Variants in PRRC2C observed in about 807,000 individuals in gnomAD.
The protein encoded by PRRC2C is proline rich coiled-coil 2C.
PRRC2C carries 72 observed loss-of-function variants against 317.2 expected under a neutral mutation model. The ratio of observed to expected loss-of-function variants is 0.23; its 90% confidence interval spans 0.19 to 0.28. PRRC2C has a LOEUF of 0.28. Among genes scored for constraint, PRRC2C ranks in the 10% least tolerant of loss-of-function variants. The pLI, the probability that PRRC2C is intolerant of heterozygous loss-of-function variation, is 1.00. For missense variants in PRRC2C, 3,074 were observed against 3,459.7 expected, an observed-to-expected ratio of 0.89 and a Z score of 2.80; for synonymous variants, 1,296 against 1,205.9, an observed-to-expected ratio of 1.07 and a Z score of -1.55.
At chr1:171,570,422 TGTC>T (rs1684583645) in intron 23 of PRRC2C, among the ~76,000 whole-genome samples, 1 of 152,208 alleles carries the variant, frequency 6.6e-6, no homozygotes, top group South Asian at 2.1e-4. Flanking sequence ...GTATCTTGAA[TGTC>T]TTGAAGATTA....
Position 171,566,796 on chromosome 1 carries a change from G to A in PRRC2C, c.6511G>A (p.Gly2171Arg). Reference protein sequence around the residue: ...KAVSEMSTEIGTMISVSSAEY... With the variant: ...KAVSEMSTEIRTMISVSSAEY... The stretch of plus-strand genomic sequence containing the variant: ...AGTCTCAGAAATGTCTACTGAAATA[G>A]GAACAATGATCTCGGTATCATCTGC... The change falls in exon 22 of 35, where the codon GGA becomes AGA. Residue 2171 changes from glycine (G) to arginine (R), a missense_variant. Physicochemically the swap from Gly to Arg is moderately radical, Grantham distance 125. Around this residue, in one of 11 missense-constraint regions of PRRC2C, gnomAD observed 640 missense variants for 676.1 expected, o/e 0.95. Coordinates refer to ENST00000647382, the MANE Select transcript of PRRC2C (RefSeq NM_001387844.1). The A allele has an allele frequency of 6.2e-7, 1 of 1,613,770 alleles. No individual in the cohort carries two copies. The highest frequency in any genetic ancestry group is 8.5e-7 in the Non-Finnish European group (1 of 1,179,826).
At position 171,540,607 on chromosome 1, in the gene PRRC2C, A is replaced by G; in HGVS notation, c.3141A>G (p.Lys1047=). The G allele has an allele frequency of 6.2e-7, 1 of 1,613,970 alleles. No homozygotes were observed. The highest frequency in any genetic ancestry group is 8.5e-7 in the Non-Finnish European group (1 of 1,179,892). ...AAAAGGCCGAAAAGGTCACTGAAAA[A>G]GTAGTTGTAAAGCCTGAAAAGACGG... ...EGEKAEKVTE[K]VVVKPEKTEK... is the part of the protein sequence containing the mutation. The change falls in exon 16 of 35, where the codon AAA becomes AAG. Residue 1047 remains lysine, a synonymous_variant. Coordinates refer to ENST00000647382, the MANE Select transcript of PRRC2C (RefSeq NM_001387844.1).
chr1:171,556,744 T>G (rs558213165), intron 18 of PRRC2C, among the ~76,000 whole-genome samples: 55 of 152,368 alleles, frequency 3.6e-4, no homozygotes, highest in Middle Eastern at 6.8e-3. Flanking sequence ...TAATTTATAT[T>G]AGTTCATTTA....
At chr1:171,534,617 T>G (rs1482619101) in intron 12 of PRRC2C, among the ~76,000 whole-genome samples, 1 of 152,098 alleles carries the variant, frequency 6.6e-6, no homozygotes. Context: ...CATTCTTTTT[T>G]TTTTGGCTGT....
intron 18 of PRRC2C, among the ~76,000 whole-genome samples, chr1:171,555,328 C>G (rs1393827938): frequency 6.6e-6 from 1 of 152,194 alleles, no homozygotes; most frequent in African/African-American, 2.4e-5. Context: ...CATTTAAGGT[C>G]TTTTCTACAC....
In PRRC2C at chr1:171,541,019, C is replaced by G; in HGVS notation, c.3553C>G (p.Gln1185Glu). 6.2e-7 allele frequency: 1 copy of G among 1,613,376 alleles called. No homozygotes were observed. The highest frequency in any genetic ancestry group is 8.5e-7 in the Non-Finnish European group (1 of 1,179,718). The stretch of plus-strand genomic sequence containing the variant: ...TAGAGAGAGAGATTGGTTTCCAGAT[C>G]AAGGATACAGAGGTCGAGGCCGAGG... ...EARERDWFPDQGYRGRGRGEY... is the reference protein window; with the variant it reads ...EARERDWFPDEGYRGRGRGEY... The change falls in exon 16 of 35, where the codon CAA (glutamine) becomes GAA (glutamate). Residue 1185 changes from glutamine (Q) to glutamate (E), a missense_variant. Around this residue, in one of 11 missense-constraint regions of PRRC2C, gnomAD observed 1,320 missense variants for 1,395.7 expected, o/e 0.95. Coordinates refer to ENST00000647382, the MANE Select transcript of PRRC2C (RefSeq NM_001387844.1). This position sits in a 1 kb window ranked among gnomAD's most constrained non-coding sequence, Gnocchi z 4.1.
intron 11 of PRRC2C, among the ~76,000 whole-genome samples, chr1:171,529,159 A>C (rs905971621): frequency 2.0e-5 from 3 of 151,958 alleles, no homozygotes; most frequent in African/African-American, 7.3e-5. Context: ...TTTGCTTTCT[A>C]TTCCTTCTGG....
At position 171,541,020 on chromosome 1, in the gene PRRC2C, A is replaced by G. The variant is rs774617437; in HGVS notation, c.3554A>G (p.Gln1185Arg). The G allele has an allele frequency of 6.8e-6, 11 of 1,613,468 alleles. No individual in the cohort carries two copies. The Admixed American group carries it at 8.4e-5, about 12-fold the overall frequency. ...EARERDWFPD[Q>R]GYRGRGRGEY... is the part of the protein sequence containing the mutation. The stretch of plus-strand genomic sequence containing the variant: ...AGAGAGAGAGATTGGTTTCCAGATC[A>G]AGGATACAGAGGTCGAGGCCGAGGT... Residue 1185 changes from glutamine (Q) to arginine (R), a missense_variant, in exon 16 of 35, where the codon CAA (glutamine) becomes CGA (arginine). Gln to Arg is a conservative substitution (Grantham distance 43). This residue lies in a region of PRRC2C where 1,320 missense variants were observed against 1,395.7 expected (regional missense o/e 0.95). Transcript: ENST00000647382. This position sits in a 1 kb window ranked among gnomAD's most constrained non-coding sequence, Gnocchi z 4.1.
chr1:171,579,721 G>A, intron 27 of PRRC2C, 107 bp from the exon 28 acceptor site: 1 of 1,344,974 alleles, frequency 7.4e-7, no homozygotes. Flanking sequence ...CTGATATATA[G>A]TATTAATTTT....
Position 171,532,347 on chromosome 1 carries a change from C to T in PRRC2C, c.1259C>T (p.Pro420Leu). 1 of 1,608,892 alleles carries T rather than the reference C, an allele frequency of 6.2e-7. No homozygotes were observed. The highest frequency in any genetic ancestry group is 8.5e-7 in the Non-Finnish European group (1 of 1,177,832). Residue 420 changes from proline (P) to leucine (L), a missense_variant, in exon 12 of 35, where the codon CCA (proline) becomes CTA (leucine). By Grantham distance (98) the Pro-to-Leu change is moderately conservative. Around this residue, in one of 11 missense-constraint regions of PRRC2C, gnomAD observed 1,320 missense variants for 1,395.7 expected, o/e 0.95. Coordinates refer to ENST00000647382, the MANE Select transcript of PRRC2C (RefSeq NM_001387844.1). Reference protein sequence around the residue: ...PPPKLLAQQHPPPDRQAVPGR... With the variant: ...PPPKLLAQQHLPPDRQAVPGR... The stretch of plus-strand genomic sequence containing the variant: ...TCTGATACCTTAATGTTTCAGCATC[C>T]ACCTCCAGATCGACAGGCAGTACCT...
chr1:171,549,594 C>A (rs1207906018), intron 17 of PRRC2C, among the ~76,000 whole-genome samples: 2 of 152,120 alleles, frequency 1.3e-5, no homozygotes, highest in Non-Finnish European at 1.5e-5. Flanking sequence ...CAGAGTCGCA[C>A]TCTGTCACCC....
chr1:171,528,082 C>T (rs1674994186), intron 11 of PRRC2C, among the ~76,000 whole-genome samples: 1 of 152,016 alleles, frequency 6.6e-6, no homozygotes, highest in African/African-American at 2.4e-5. Flanking sequence ...TTCTCTCTCA[C>T]TGCCCGTATA....
In PRRC2C at chr1:171,545,556, T is replaced by A. The variant is rs573208044; in HGVS notation, c.4841T>A (p.Val1614Glu). The change falls in exon 17 of 35, where the codon GTA becomes GAA. Residue 1614 changes from valine to glutamate, a missense_variant. Val to Glu is a moderately radical substitution (Grantham distance 121, BLOSUM62 -2). Coordinates refer to ENST00000647382, the MANE Select transcript of PRRC2C (RefSeq NM_001387844.1). ...AGCTCTGCACACCATCAGGAAGGAG[T>A]ACCTAATGGTACAGGACAAAAGAAC... ...NGSSAHHQEG[V>E]PNGTGQKNSK... is the part of the protein sequence containing the mutation. 11 of 1,601,750 alleles carry A rather than the reference T, an allele frequency of 6.9e-6. No individual in the cohort carries two copies. Among genetic ancestry groups the A allele is most frequent in the Non-Finnish European group, 9.4e-6 (11 of 1,174,020 alleles).
rs1024285954 is a variant in PRRC2C, at chr1:171,573,673, C to CTTTTTT, written c.6754-1236_6754-1231dup. On this transcript the variant is annotated intron_variant, in intron 24 of 34. Transcript: ENST00000647382. The stretch of plus-strand genomic sequence containing the variant: ...AAAATATGTACTATGTCTCAAAATT[C>CTTTTTT]TTTTTTTTTTTTTTTTTTTTTTTGA... 2.8e-3 allele frequency among the ~76,000 whole-genome samples: 241 copies of CTTTTTT among 85,774 alleles called. 2 individuals carry two copies. The highest frequency in any genetic ancestry group is 3.3e-3 in the Non-Finnish European group (161 of 48,086). The allele number at this position is 85,774 out of a possible 152,430, so 56.3% of individuals were successfully genotyped here.
chr1:171,488,318 A>G (rs1000374015), intron 1 of PRRC2C, among the ~76,000 whole-genome samples: 3 of 152,212 alleles, frequency 2.0e-5, no homozygotes, highest in Admixed American at 6.5e-5. Flanking sequence ...TTGTCACCTT[A>G]TGAATAGGAC....
In PRRC2C at chr1:171,513,005, A is replaced by C. The variant is rs1478118852; in HGVS notation, c.123A>C (p.Arg41=). 1 of 1,604,932 alleles carries C rather than the reference A, an allele frequency of 6.2e-7. No homozygotes were observed. The highest frequency in any genetic ancestry group is 2.2e-5 in the East Asian group (1 of 44,724). ...GTTATTGATCTTTAGTTGCAGCTCG[A>C]CATGGATTACAGAGTCTTGGAAAAG... ...LETQKTTVAA[R]HGLQSLGKVG... The change falls in exon 3 of 35, where the codon CGA becomes CGC. Residue 41 remains arginine (R), a synonymous_variant. Coordinates refer to ENST00000647382, the MANE Select transcript of PRRC2C (RefSeq NM_001387844.1).
intron 5 of PRRC2C, among the ~76,000 whole-genome samples, chr1:171,517,373 A>G (rs1672572187): frequency 6.6e-6 from 1 of 152,060 alleles, no homozygotes; most frequent in Non-Finnish European, 1.5e-5. Flanking sequence ...CTCCCACCCC[A>G]GTATTTGCTT....
At chr1:171,556,353 GA>G (rs988739469) in intron 18 of PRRC2C, among the ~76,000 whole-genome samples, 8 of 152,218 alleles carry the variant, frequency 5.3e-5, no homozygotes, top group Non-Finnish European at 8.8e-5. Context: ...CTAGGAAAGA[GA>G]AATCCCCCCA....
In PRRC2C at chr1:171,487,593, T is replaced by C. The variant is rs55842516; in HGVS notation, c.-58+1858T>C. On this transcript the variant is annotated intron_variant, in intron 1 of 34. Coordinates refer to ENST00000647382, the MANE Select transcript of PRRC2C (RefSeq NM_001387844.1). ...AACTAACTCTACCATGTCGTAGATA[T>C]AATTTTTAAATTTAGGCGTCTGATC... 3.1e-3 allele frequency among the ~76,000 whole-genome samples: 469 copies of C among 152,320 alleles called. 1 individual carries two copies. The highest frequency in any genetic ancestry group is 0.011 in the African/African-American group (448 of 41,566).
Sources: gnomAD v4.1 joint callset for allele counts (sites outside exome capture counted in the v4.1 genomes callset) on GRCh38, gnomAD v4.1.1 for gene constraint, gnomAD v4.1.1 regional missense constraint, Gnocchi (gnomAD v3.1) non-coding constraint, MANE v1.5 for transcripts, NCBI Gene and HGNC (gene_info 2026-07-23, HGNC 2026-07-21) for gene names.